Variants in PRDM16 observed in about 807,000 individuals in gnomAD.
The protein encoded by PRDM16 is PR/SET domain 16.
Under a neutral mutation model 110.6 loss-of-function variants are expected in PRDM16, and 23 were observed. The observed-to-expected ratio is 0.21, with a 90% CI of 0.15 to 0.29. PRDM16 has a LOEUF of 0.29. Among genes scored for constraint, PRDM16 ranks in the 10% least tolerant of loss-of-function variants. PRDM16 has a pLI of 1.00. For missense variants in PRDM16, 1,615 were observed against 1,794.3 expected (o/e 0.90, Z 1.81); for synonymous variants, 799 against 781.8 (o/e 1.02, Z -0.37).
At chr1:3,165,663 T>TCAGGGACAGTGACTCACCTGGGCC (rs1643945907) in intron 1 of PRDM16, among the ~76,000 whole-genome samples, 1 of 83,146 alleles carries the variant, frequency 1.2e-5, no homozygotes, top group African/African-American at 7.0e-5. Flanking sequence ...TCACCTGGGC[T>TCAGGGACAGTGACTCACCTGGGCC]CAGGGACAGT....
rs183334946 is a variant in PRDM16, at chr1:3,235,532, C to T, written c.388-8555C>T. Among the ~76,000 whole-genome samples, 226 of 152,282 alleles carry T rather than the reference C, an allele frequency of 1.5e-3. 3 individuals carry two copies. Among genetic ancestry groups the T allele is most frequent in the African/African-American group, 5.1e-3 (214 of 41,562 alleles). ...GGGGCCTGCAGAGATCCTTCCCGCT[C>T]GCCCCGCTGCCTGGCAGAGAAAGGG... On this transcript the variant is annotated intron_variant, in intron 2 of 16. Transcript: ENST00000270722.
intron 1 of PRDM16, among the ~76,000 whole-genome samples, chr1:3,144,468 G>A (rs928404850): frequency 2.7e-5 from 4 of 146,140 alleles, no homozygotes; most frequent in Non-Finnish European, 4.5e-5. Context: ...CAGGCAGGGC[G>A]TATCCAGGTG....
chr1:3,122,114 C>T (rs918346422), intron 1 of PRDM16, among the ~76,000 whole-genome samples: 3 of 152,192 alleles, frequency 2.0e-5, no homozygotes, highest in South Asian at 2.1e-4. Context: ...CAGGCGGACA[C>T]GTCCAGCCAT....
intron 4 of PRDM16, among the ~76,000 whole-genome samples, chr1:3,393,743 A>ACCT (rs1201409276): frequency 6.7e-6 from 1 of 150,208 alleles, no homozygotes; most frequent in Non-Finnish European, 1.5e-5. Flanking sequence ...TTTTGTCTGC[A>ACCT]CCTCCGCGCC....
intron 1 of PRDM16, among the ~76,000 whole-genome samples, chr1:3,144,963 T>G (rs1643618060): frequency 1.3e-5 from 2 of 152,164 alleles, no homozygotes. Context: ...GGAACCCCTG[T>G]GCGGCTTCAG....
Position 3,175,383 on chromosome 1 carries a change from C to T in PRDM16, c.38-10742C>T, listed in dbSNP as rs1446449343. Among the ~76,000 whole-genome samples, 1 of 152,168 alleles carries T rather than the reference C, an allele frequency of 6.6e-6. No homozygotes were observed. The highest frequency in any genetic ancestry group is 2.4e-5 in the African/African-American group (1 of 41,428). ...CTATTTTTTCTCTAGAAGTTGCCTC[C>T]GTGCGTGCCTGCTCTCCCCGATCAG... On this transcript the variant is annotated intron_variant, in intron 1 of 16. Transcript: ENST00000270722. This position sits in a 1 kb window ranked among gnomAD's most constrained non-coding sequence, Gnocchi z 4.8.
chr1:3,228,149 AG>A (rs563149356), intron 2 of PRDM16, among the ~76,000 whole-genome samples: 16 of 152,346 alleles, frequency 1.1e-4, no homozygotes, highest in African/African-American at 3.8e-4. Flanking sequence ...GAGTCCCCGG[AG>A]GGATGTGTCC....
intron 1 of PRDM16, among the ~76,000 whole-genome samples, chr1:3,095,137 A>T (rs985136431): frequency 1.3e-5 from 2 of 152,134 alleles, no homozygotes; most frequent in African/African-American, 4.8e-5. Flanking sequence ...CCTGCCTGTG[A>T]TGAGAAGGCC....
chr1:3,244,242 G>A lies in PRDM16; in HGVS notation c.438+105G>A. The A allele has an allele frequency of 3.8e-6, 4 of 1,055,942 alleles. No homozygotes were observed. The highest frequency in any genetic ancestry group is 5.8e-6 in the Non-Finnish European group (4 of 691,084). The allele number at this position is 1,055,942 out of a possible 1,614,324, so 65.4% of individuals were successfully genotyped here. A position where few individuals can be genotyped will look rare whatever the true frequency, so the allele number is the denominator to read the frequency against. ...CCCTGAGCTAACAAGCGTGTAGTCG[G>A]AATGTTGCTGGCAGGCCCCGAGCAA... On this transcript the variant is annotated intron_variant, in intron 3 of 16. Transcript: ENST00000270722. This position sits in a 1 kb window ranked among gnomAD's most constrained non-coding sequence, Gnocchi z 4.1.
chr1:3,170,498 C>T (rs1384105280), intron 1 of PRDM16, among the ~76,000 whole-genome samples: 1 of 152,200 alleles, frequency 6.6e-6, no homozygotes, highest in Non-Finnish European at 1.5e-5. Context: ...GTCCTCCTGG[C>T]CCCGAGAGCC....
At chr1:3,285,995 A>C (rs1466658466) in intron 3 of PRDM16, among the ~76,000 whole-genome samples, 2 of 152,188 alleles carry the variant, frequency 1.3e-5, no homozygotes, top group South Asian at 4.1e-4. Context: ...GAGCTCAATA[A>C]ATTGATCATA....
In PRDM16 at chr1:3,411,538, C is replaced by T. The variant is rs765331224; in HGVS notation, c.1341C>T (p.Gly447=). ...SLNKHRRFCE[G]KNHYTPGGIF... is the part of the protein sequence containing the mutation. Reference sequence around the variant, plus strand: ...ACAAGCACCGGCGCTTCTGCGAGGGCAAGAACCATTACACGCCGGGCGGCA... The same window carrying T: ...ACAAGCACCGGCGCTTCTGCGAGGGTAAGAACCATTACACGCCGGGCGGCA... Residue 447 remains glycine, a synonymous_variant, in exon 9 of 17, where the codon GGC becomes GGT. Coordinates refer to ENST00000270722, the MANE Select transcript of PRDM16 (RefSeq NM_022114.4). 6.2e-7 allele frequency: 1 copy of T among 1,614,194 alleles called. No individual in the cohort carries two copies. The highest frequency in any genetic ancestry group is 2.2e-5 in the East Asian group (1 of 44,882).
chr1:3,386,104 C>T (rs1217518209), intron 4 of PRDM16, among the ~76,000 whole-genome samples: 1 of 152,210 alleles, frequency 6.6e-6, no homozygotes. Context: ...GCCTCCCGGG[C>T]GGCACTTTCC....
chr1:3,364,395 G>T (rs575938771), intron 3 of PRDM16, among the ~76,000 whole-genome samples: 2 of 152,150 alleles, frequency 1.3e-5, no homozygotes, highest in African/African-American at 4.8e-5. Context: ...ACCCAAAAGT[G>T]CCCGACAAGG....
chr1:3,100,669 C>T (rs1024118765), intron 1 of PRDM16, among the ~76,000 whole-genome samples: 4 of 152,166 alleles, frequency 2.6e-5, no homozygotes, highest in Non-Finnish European at 4.4e-5. Flanking sequence ...CCCGTTTGCC[C>T]AGGGAGGAGC....
At chr1:3,119,614 C>G (rs946262598) in intron 1 of PRDM16, among the ~76,000 whole-genome samples, 2 of 152,120 alleles carry the variant, frequency 1.3e-5, no homozygotes, top group Non-Finnish European at 2.9e-5. Flanking sequence ...CGTGACCTGG[C>G]TGGGGAGGGG....
At chr1:3,357,439 G>T (rs950627630) in intron 3 of PRDM16, among the ~76,000 whole-genome samples, 1 of 151,724 alleles carries the variant, frequency 6.6e-6, no homozygotes, top group Non-Finnish European at 1.5e-5. Context: ...GAGCACAGTC[G>T]ACAGGCAGGA....
At chr1:3,152,582 C>T (rs1354939709) in intron 1 of PRDM16, among the ~76,000 whole-genome samples, 6 of 152,330 alleles carry the variant, frequency 3.9e-5, no homozygotes, top group East Asian at 1.9e-4. Flanking sequence ...CACTGGTCTA[C>T]GGTGCTGCCT....
rs759309936 is a variant in PRDM16, at chr1:3,116,920, A to ACCTC, written c.37+47634_37+47637dup. The stretch of plus-strand genomic sequence containing the variant: ...ACAGCCTGGTCACAGCCCAAGCCCG[A>ACCTC]CCTCCCTCCCTCCACGGCACTCACA... On this transcript the variant is annotated intron_variant, in intron 1 of 16. Coordinates refer to ENST00000270722, the MANE Select transcript of PRDM16 (RefSeq NM_022114.4). Among the ~76,000 whole-genome samples the ACCTC allele has an allele frequency of 1.2e-3, 177 of 151,706 alleles. 1 individual carries two copies. Among genetic ancestry groups the ACCTC allele is most frequent in the Non-Finnish European group, 2.4e-3 (162 of 67,882 alleles).
Sources: gnomAD v4.1 joint callset for allele counts (sites outside exome capture counted in the v4.1 genomes callset) on GRCh38, gnomAD v4.1.1 for gene constraint, Gnocchi (gnomAD v3.1) non-coding constraint, MANE v1.5 for transcripts, NCBI Gene and HGNC (gene_info 2026-07-23, HGNC 2026-07-21) for gene names.